The following ARHGAP32 variants were observed in gnomAD, a reference collection of about 807,000 sequenced individuals.
The protein encoded by ARHGAP32 is rho GTPase-activating protein 32.
Under a neutral mutation model 186.5 loss-of-function variants are expected in ARHGAP32, and 51 were observed. The ratio of observed to expected loss-of-function variants is 0.27; its 90% confidence interval spans 0.22 to 0.35. The LOEUF (loss-of-function observed/expected upper bound fraction) is 0.35, where lower values mean the gene tolerates loss of function less well. ARHGAP32 is among the 10% of genes least tolerant of loss of function. The probability of loss-of-function intolerance (pLI) is 1.00; values close to 1 mark genes in which losing one functional copy is unlikely to be tolerated. For synonymous variants in ARHGAP32, 950 were observed against 964.3 expected (o/e 0.99, Z 0.27); for missense variants, 2,186 against 2,623.5 (o/e 0.83, Z 3.64).
rs897607614 is a variant in ARHGAP32, at chr11:128,989,558, ACATAT to A, written c.1196-1438_1196-1434del. On this transcript the variant is annotated intron_variant, in intron 12 of 22. Coordinates refer to ENST00000682385, the MANE Select transcript of ARHGAP32 (RefSeq NM_001378024.1). ...CACACACACACACACACACACACAT[ACATAT>A]ATCTTTTTTTATTATACTTTAAGTT... is the stretch of plus-strand genomic sequence containing the variant. 1.3e-4 allele frequency among the ~76,000 whole-genome samples: 20 copies of A among 150,248 alleles called. No individual in the cohort carries two copies. The South Asian group carries it at 3.0e-3, about 22-fold the overall frequency.
intron 11 of ARHGAP32, among the ~76,000 whole-genome samples, chr11:129,036,195 A>G (rs747654106): frequency 1.3e-5 from 2 of 152,044 alleles, no homozygotes; most frequent in Non-Finnish European, 2.9e-5. Context: ...CCTGACCAAC[A>G]TGGAGAAAAC....
intron 2 of ARHGAP32, among the ~76,000 whole-genome samples, chr11:129,155,187 A>G (rs1943372776): frequency 6.6e-6 from 1 of 152,210 alleles, no homozygotes; most frequent in African/African-American, 2.4e-5. Context: ...TGGCTCTCCC[A>G]TCAATCCCCA....
chr11:129,052,621 A>G (rs1940098686), intron 10 of ARHGAP32, among the ~76,000 whole-genome samples: 1 of 150,860 alleles, frequency 6.6e-6, no homozygotes, highest in South Asian at 2.1e-4. Flanking sequence ...TTTTTTTCAG[A>G]TACAGTCCTA....
At position 129,226,717 on chromosome 11, in the gene ARHGAP32, AAAAAAG is replaced by A. The variant is rs1944789130; in HGVS notation, c.-5+52423_-5+52428del. Among the ~76,000 whole-genome samples the A allele has an allele frequency of 2.0e-5, 3 of 152,180 alleles. No homozygotes were observed. In the South Asian group the frequency reaches 6.2e-4, roughly 31 times the overall value. On this transcript the variant is annotated intron_variant, in intron 1 of 6. Coordinates refer to the ARHGAP32 transcript ENST00000525234. ...TAAACATTCCATTGACAGAATGGTT[AAAAAAG>A]AAAAAAACATGATCCAAGTATATGT...
At chr11:129,275,405 G>C (rs756996227) in intron 1 of ARHGAP32, among the ~76,000 whole-genome samples, 4 of 152,132 alleles carry the variant, frequency 2.6e-5, no homozygotes, top group Non-Finnish European at 4.4e-5. Context: ...GAGGTCCCAC[G>C]ACATTAATTA....
chr11:129,114,715 C>T (rs1942316086), intron 5 of ARHGAP32, among the ~76,000 whole-genome samples: 1 of 152,104 alleles, frequency 6.6e-6, no homozygotes, highest in African/African-American at 2.4e-5. Context: ...TTCAGTCCTT[C>T]ATCTATTAGA....
intron 7 of ARHGAP32, among the ~76,000 whole-genome samples, chr11:129,065,793 T>C (rs1351612967): frequency 6.6e-6 from 1 of 152,080 alleles, no homozygotes; most frequent in Non-Finnish European, 1.5e-5. Flanking sequence ...GTAACTCCCA[T>C]CAGTAGAAAC....
rs1352449842 is a variant in ARHGAP32, at chr11:128,968,564, C to T, written c.*343G>A. ...TGCAGCAAATACTAAGAAGAAAGGA[C>T]AATGCTGAATTCAAATTCAGTTAAA... On this transcript the variant is annotated 3_prime_UTR_variant, in exon 23 of 23. Coordinates refer to ENST00000682385, the MANE Select transcript of ARHGAP32 (RefSeq NM_001378024.1). 1 of 180,552 alleles carries T rather than the reference C, an allele frequency of 5.5e-6. No homozygotes were observed. Among genetic ancestry groups the T allele is most frequent in the Non-Finnish European group, 1.1e-5 (1 of 87,804 alleles). The allele number at this position is 180,552 out of a possible 1,614,324, so 11.2% of individuals were successfully genotyped here. A position where few individuals can be genotyped will look rare whatever the true frequency, so the allele number is the denominator to read the frequency against.
intron 11 of ARHGAP32, among the ~76,000 whole-genome samples, chr11:128,999,010 T>C (rs1272156523): frequency 6.6e-6 from 1 of 152,212 alleles, no homozygotes; most frequent in Non-Finnish European, 1.5e-5. Flanking sequence ...ATATGAAATC[T>C]GGGCATCCAA....
intron 1 of ARHGAP32, among the ~76,000 whole-genome samples, chr11:129,189,458 T>C (rs1944232682): frequency 6.6e-6 from 1 of 152,206 alleles, no homozygotes; most frequent in African/African-American, 2.4e-5. Flanking sequence ...GTAAAGTTTT[T>C]CTTTCTTGAT....
chr11:128,975,056 T>C (rs1213959935), intron 20 of ARHGAP32, 54 bp from the exon 21 acceptor site: 1 of 1,466,608 alleles, frequency 6.8e-7, no homozygotes, highest in Non-Finnish European at 9.3e-7. Flanking sequence ...TACAGAATGC[T>C]GTGGTAAGTC....
intron 1 of ARHGAP32, among the ~76,000 whole-genome samples, chr11:129,278,664 G>A (rs1945565913): frequency 6.6e-6 from 1 of 152,082 alleles, no homozygotes; most frequent in Non-Finnish European, 1.5e-5. Flanking sequence ...AACTCCACGG[G>A]AGCCTAAGGG....
intron 2 of ARHGAP32, among the ~76,000 whole-genome samples, chr11:129,140,878 G>C (rs559174028): frequency 6.6e-6 from 1 of 152,274 alleles, no homozygotes; most frequent in African/African-American, 2.4e-5. Flanking sequence ...CCCCTAAAGG[G>C]AGGAAAATTT....
At chr11:129,231,870 C>A (rs1040563577) in intron 1 of ARHGAP32, among the ~76,000 whole-genome samples, 4 of 151,480 alleles carry the variant, frequency 2.6e-5, no homozygotes, top group Non-Finnish European at 4.4e-5. Context: ...ATAAAAAATA[C>A]AAAAATTAGC....
chr11:129,146,808 T>C (rs1269982021), intron 2 of ARHGAP32, among the ~76,000 whole-genome samples: 1 of 152,076 alleles, frequency 6.6e-6, no homozygotes, highest in Non-Finnish European at 1.5e-5. Context: ...AATATTCTGA[T>C]GTCATAACAC....
At chr11:129,201,439 T>C (rs1343137487) in intron 1 of ARHGAP32, among the ~76,000 whole-genome samples, 1 of 152,174 alleles carries the variant, frequency 6.6e-6, no homozygotes, top group South Asian at 2.1e-4. Context: ...AAAAATACTA[T>C]AACGGTATAC....
intron 11 of ARHGAP32, among the ~76,000 whole-genome samples, chr11:129,016,501 C>T (rs968542745): frequency 6.6e-6 from 1 of 152,096 alleles, no homozygotes; most frequent in Non-Finnish European, 1.5e-5. Flanking sequence ...CATCTTTAAT[C>T]GAATAACCTT....
chr11:129,148,073 A>C (rs1197578293), intron 2 of ARHGAP32, among the ~76,000 whole-genome samples: 3 of 152,216 alleles, frequency 2.0e-5, no homozygotes. Context: ...GAATAGACTT[A>C]GGGACAAGAT....
At chr11:129,129,129 G>C (rs1432583322) in intron 2 of ARHGAP32, among the ~76,000 whole-genome samples, 1 of 151,904 alleles carries the variant, frequency 6.6e-6, no homozygotes, top group African/African-American at 2.4e-5. Context: ...ACCCCGTCTG[G>C]GAACTGAGGA....
Sources: gnomAD v4.1 joint callset for allele counts (sites outside exome capture counted in the v4.1 genomes callset) on GRCh38, gnomAD v4.1.1 for gene constraint, MANE v1.5 for transcripts, NCBI Gene and HGNC (gene_info 2026-07-23, HGNC 2026-07-21) for gene names.